CAPZA2: variants seen among roughly 807,000 people sequenced by gnomAD.
CAPZA2 encodes the protein F-actin-capping protein subunit alpha-2.
A neutral mutation model predicts 44.0 loss-of-function variants in CAPZA2; 13 were observed. The ratio of observed to expected loss-of-function variants is 0.30; its 90% CI spans 0.19 to 0.47. The LOEUF (loss-of-function observed/expected upper bound fraction) is 0.47, where lower values mean the gene tolerates loss of function less well. Among genes scored for constraint, CAPZA2 ranks in the 20% least tolerant of loss-of-function variants. CAPZA2 has a pLI of 1.00. For missense variants in CAPZA2, 244 were observed against 338.6 expected (o/e 0.72, Z 2.19); for synonymous variants, 94 against 108.2 (o/e 0.87, Z 0.81).
Position 116,919,493 on chromosome 7 carries a change from T to C in CAPZA2, c.*1626T>C, listed in dbSNP as rs1370724500. 2 of 152,150 alleles carry C rather than the reference T, an allele frequency of 1.3e-5. No individual in the cohort carries two copies. Among genetic ancestry groups the C allele is most frequent in the African/African-American group, 4.8e-5 (2 of 41,428 alleles). The allele number at this position is 152,150 out of a possible 1,614,324, so 9.4% of individuals were successfully genotyped here. ...AGTCATCAATTTCCTATCTCTGTTC[T>C]AGTCTGGAATGCATTACTGAAAATG... On this transcript the variant is annotated 3_prime_UTR_variant, in exon 10 of 10. Transcript: ENST00000361183.
chr7:116,907,532 A>G (rs1246460426), intron 6 of CAPZA2, among the ~76,000 whole-genome samples: 2 of 152,234 alleles, frequency 1.3e-5, no homozygotes, highest in Non-Finnish European at 2.9e-5. Flanking sequence ...TCTTTTTACT[A>G]CGTTCTTCTT....
rs908688975 is a variant in CAPZA2, at chr7:116,906,496, A to C, written c.506+154A>C. 3.8e-5 allele frequency: 50 copies of C among 1,314,918 alleles called. No homozygotes were observed. In the Admixed American group the frequency reaches 1.5e-3, roughly 40 times the overall value. The allele number at this position is 1,314,918 out of a possible 1,614,324, so 81.5% of individuals were successfully genotyped here. A position where few individuals can be genotyped will look rare whatever the true frequency, so the allele number is the denominator to read the frequency against. ...TAGCCTTTTGATATAAGGAAGGTAA[A>C]TTTGCTCAACAGCCTAATCACTAAA... On this transcript the variant is annotated intron_variant, in intron 6 of 9. Transcript: ENST00000361183.
intron 1 of CAPZA2, among the ~76,000 whole-genome samples, chr7:116,881,253 A>G (rs1046910010): frequency 3.3e-5 from 5 of 152,210 alleles, no homozygotes; most frequent in African/African-American, 1.2e-4. Flanking sequence ...ATAATAAAAA[A>G]GAAATAGAGC....
chr7:116,916,364 C>T (rs112475616), intron 9 of CAPZA2, among the ~76,000 whole-genome samples: 5 of 152,364 alleles, frequency 3.3e-5, no homozygotes, highest in Admixed American at 6.5e-5. Context: ...CGGAGGCTCA[C>T]GCCTGTAATC....
In CAPZA2 at chr7:116,917,909, T is replaced by TA. The variant is rs752748452; in HGVS notation, c.*48dup. 3.9e-6 allele frequency: 6 copies of TA among 1,556,778 alleles called. No individual in the cohort carries two copies. In the East Asian group the frequency reaches 9.0e-5, roughly 23 times the overall value. ...CCGGATCATTTTAGTGTCTTTGCGT[T>TA]AAAAAATCATTGCAAAAGTATTCTG... On this transcript the variant is annotated 3_prime_UTR_variant, in exon 10 of 10. Transcript: ENST00000361183.
intron 1 of CAPZA2, among the ~76,000 whole-genome samples, chr7:116,882,737 T>A (rs1022175686): frequency 6.6e-6 from 1 of 152,254 alleles, no homozygotes; most frequent in Admixed American, 6.5e-5. Flanking sequence ...TATTTGTTAC[T>A]TATGTGTATA....
intron 6 of CAPZA2, among the ~76,000 whole-genome samples, chr7:116,908,111 A>AT (rs35334013): frequency 6.6e-6 from 1 of 151,502 alleles, no homozygotes; most frequent in Non-Finnish European, 1.5e-5. Context: ...AAAAAAAAAA[A>AT]TTAGCCAGGC....
intron 2 of CAPZA2, chr7:116,888,608 A>C (rs1380106064): frequency 6.7e-6 from 1 of 150,288 alleles, no homozygotes; most frequent in Non-Finnish European, 1.5e-5. Flanking sequence ...TGGGAAGATG[A>C]GGCAGGCAGG....
intron 2 of CAPZA2, among the ~76,000 whole-genome samples, chr7:116,891,499 G>A (rs964216450): frequency 2.6e-5 from 4 of 152,064 alleles, no homozygotes; most frequent in East Asian, 3.9e-4. Context: ...GGTTAGCAAA[G>A]GATATTGTTT....
chr7:116,882,167 T>A (rs1796710821), intron 1 of CAPZA2, among the ~76,000 whole-genome samples: 1 of 152,234 alleles, frequency 6.6e-6, no homozygotes, highest in South Asian at 2.1e-4. Context: ...TAATTAAGTG[T>A]CACCTGGGAA....
chr7:116,888,206 A>C lies in CAPZA2; in HGVS notation c.103+16A>C. ...GTTTTCAATGGTGAGTGTTTGATTT[A>C]TAACACTAGGCTTGATATATCAAGC... On this transcript the variant is annotated intron_variant, in intron 2 of 9. Coordinates refer to ENST00000361183, the MANE Select transcript of CAPZA2 (RefSeq NM_006136.3). The C allele has an allele frequency of 6.4e-7, 1 of 1,559,368 alleles. No individual in the cohort carries two copies. The highest frequency in any genetic ancestry group is 8.8e-7 in the Non-Finnish European group (1 of 1,132,750).
At chr7:116,890,742 C>A (rs1796834979) in intron 2 of CAPZA2, among the ~76,000 whole-genome samples, 2 of 118,122 alleles carry the variant, frequency 1.7e-5, no homozygotes, top group Non-Finnish European at 3.3e-5. Flanking sequence ...CGCGCCACTG[C>A]ACTCCAGCCT....
intron 1 of CAPZA2, among the ~76,000 whole-genome samples, chr7:116,863,180 G>A (rs1376517746): frequency 2.6e-5 from 4 of 152,194 alleles, no homozygotes; most frequent in South Asian, 2.1e-4. Context: ...AAAGCAAAAT[G>A]CTTCCTTTTC....
intron 8 of CAPZA2, among the ~76,000 whole-genome samples, chr7:116,912,895 A>G (rs956935534): frequency 6.6e-6 from 1 of 152,158 alleles, no homozygotes; most frequent in Non-Finnish European, 1.5e-5. Flanking sequence ...TTTCCATCTT[A>G]TAGTTTCACC....
At chr7:116,901,748 A>C (rs1455592114) in intron 4 of CAPZA2, among the ~76,000 whole-genome samples, 1 of 152,110 alleles carries the variant, frequency 6.6e-6, no homozygotes, top group Non-Finnish European at 1.5e-5. Context: ...TTAGATAGAA[A>C]ATTAAATTAT....
At chr7:116,893,513 G>A (rs1338365370) in intron 3 of CAPZA2, among the ~76,000 whole-genome samples, 2 of 152,160 alleles carry the variant, frequency 1.3e-5, no homozygotes, top group Admixed American at 1.3e-4. Context: ...ATCCTAGCCA[G>A]GGTAGGAGAA....
intron 4 of CAPZA2, among the ~76,000 whole-genome samples, chr7:116,900,320 G>C (rs1796980011): frequency 6.6e-6 from 1 of 150,740 alleles, no homozygotes; most frequent in African/African-American, 2.4e-5. Context: ...ATGAGAACTT[G>C]TAAAATTTGG....
chr7:116,882,907 A>G (rs1370557560), intron 1 of CAPZA2, among the ~76,000 whole-genome samples: 1 of 151,998 alleles, frequency 6.6e-6, no homozygotes, highest in East Asian at 1.9e-4. Context: ...GGACTTTATC[A>G]TGGAGGGATA....
At chr7:116,876,398 C>T (rs967620925) in intron 1 of CAPZA2, 3 of 152,098 alleles carry the variant, frequency 2.0e-5, no homozygotes, top group South Asian at 2.1e-4. Flanking sequence ...TTAGTTAAAA[C>T]GTTGTTGTAT....
Sources: gnomAD v4.1 joint callset for allele counts (sites outside exome capture counted in the v4.1 genomes callset) on GRCh38, gnomAD v4.1.1 for gene constraint, MANE v1.5 for transcripts, NCBI Gene and HGNC (gene_info 2026-07-23, HGNC 2026-07-21) for gene names.